Variants in ADAMTSL1 observed in about 807,000 individuals in gnomAD.
ADAMTSL1 encodes ADAMTS-like protein 1.
Under a neutral mutation model 201.8 loss-of-function variants are expected in ADAMTSL1, and 126 were observed. The ratio of observed to expected loss-of-function variants is 0.62; its 90% CI spans 0.54 to 0.72. The LOEUF is 0.72. Among genes scored for constraint, ADAMTSL1 ranks in the 30% least tolerant of loss-of-function variants. The pLI, the probability that ADAMTSL1 is intolerant of heterozygous loss-of-function variation, is 0.00. For synonymous variants in ADAMTSL1, 1,121 were observed against 903.4 expected (o/e 1.24, Z -4.32); for missense variants, 2,679 against 2,277.8 (o/e 1.18, Z -3.59).
chr9:18,681,835 C>G lies in ADAMTSL1; in HGVS notation c.1365C>G (p.Gly455=), dbSNP rs201114526. The G allele has an allele frequency of 6.2e-7, 1 of 1,613,500 alleles. No individual in the cohort carries two copies. Among genetic ancestry groups the G allele is most frequent in the East Asian group, 2.2e-5 (1 of 44,860 alleles). Residue 455 remains glycine (G), a synonymous_variant, in exon 12 of 29, where the codon GGC becomes GGG. Coordinates refer to ENST00000380548, the MANE Select transcript of ADAMTSL1 (RefSeq NM_001040272.6). ...AGTGCACAGTGACATGTGGCCAGGG[C>G]CTCAGATACCGTGTGGTCCTCTGCA... ...WSPCTVTCGQ[G]LRYRVVLCID... is the part of the protein sequence containing the mutation.
At chr9:18,834,429 C>G (rs188914886) in intron 23 of ADAMTSL1, among the ~76,000 whole-genome samples, 36 of 152,078 alleles carry the variant, frequency 2.4e-4, no homozygotes, top group Admixed American at 5.9e-4. Context: ...TTATAAGATA[C>G]AAATACTTCT....
At chr9:17,970,358 C>T (rs1020435962) in intron 1 of ADAMTSL1, among the ~76,000 whole-genome samples, 2 of 152,030 alleles carry the variant, frequency 1.3e-5, no homozygotes, top group Admixed American at 6.6e-5. Flanking sequence ...TCCTCTTTGC[C>T]TTTTTCATGT....
At chr9:18,765,871 A>C (rs28734789) in intron 16 of ADAMTSL1, among the ~76,000 whole-genome samples, 27,937 of 152,090 alleles carry the variant, frequency 0.18, 3,635 homozygotes, top group African/African-American at 0.37. Context: ...GACTGCTTTG[A>C]CTACTCTAGG....
At chr9:18,478,928 T>G (rs1386121460) in intron 1 of ADAMTSL1, among the ~76,000 whole-genome samples, 2 of 152,192 alleles carry the variant, frequency 1.3e-5, no homozygotes, top group Admixed American at 6.5e-5. Flanking sequence ...TCTGTCTACA[T>G]CATAAAAACC....
intron 2 of ADAMTSL1, among the ~76,000 whole-genome samples, chr9:18,348,393 G>C (rs1777217729): frequency 1.3e-5 from 2 of 152,244 alleles, no homozygotes; most frequent in African/African-American, 4.8e-5. Context: ...TTTAAGTTAG[G>C]TGTTTAGGAT....
intron 1 of ADAMTSL1, among the ~76,000 whole-genome samples, chr9:18,061,189 T>TA (rs1370865391): frequency 6.6e-6 from 1 of 152,208 alleles, no homozygotes; most frequent in African/African-American, 2.4e-5. Flanking sequence ...TCTAAACAGT[T>TA]ACATTTAAGT....
At chr9:18,254,716 G>C (rs1831616313) in intron 2 of ADAMTSL1, among the ~76,000 whole-genome samples, 1 of 145,366 alleles carries the variant, frequency 6.9e-6, no homozygotes, top group Admixed American at 7.3e-5. Flanking sequence ...GAAAGTGTGG[G>C]AAGAAGAGAA....
intron 2 of ADAMTSL1, among the ~76,000 whole-genome samples, chr9:18,179,162 A>C (rs1314695216): frequency 6.6e-6 from 1 of 152,144 alleles, no homozygotes; most frequent in Non-Finnish European, 1.5e-5. Context: ...TAGAATAACC[A>C]ATACAGAGAA....
At chr9:18,849,402 A>T (rs1037410195) in intron 23 of ADAMTSL1, among the ~76,000 whole-genome samples, 2 of 152,218 alleles carry the variant, frequency 1.3e-5, no homozygotes, top group South Asian at 4.1e-4. Flanking sequence ...AAACAATGAC[A>T]GTTAGTGAAT....
At chr9:18,287,847 C>T (rs1833080356) in intron 2 of ADAMTSL1, among the ~76,000 whole-genome samples, 1 of 152,118 alleles carries the variant, frequency 6.6e-6, no homozygotes, top group Non-Finnish European at 1.5e-5. Flanking sequence ...AATTATATTA[C>T]TGTCAAACTA....
intron 5 of ADAMTSL1, among the ~76,000 whole-genome samples, chr9:18,627,089 TC>T (rs1163877305): frequency 1.3e-5 from 2 of 151,978 alleles, no homozygotes; most frequent in African/African-American, 4.8e-5. Context: ...CAGGTGATCC[TC>T]CCACTTCAGC....
At chr9:18,559,445 C>A (rs919316503) in intron 3 of ADAMTSL1, among the ~76,000 whole-genome samples, 1 of 152,094 alleles carries the variant, frequency 6.6e-6, no homozygotes, top group African/African-American at 2.4e-5. Flanking sequence ...TAATGTGATA[C>A]CTCCAGCTTT....
At chr9:18,627,999 C>G (rs1339538499) in intron 5 of ADAMTSL1, among the ~76,000 whole-genome samples, 1 of 152,094 alleles carries the variant, frequency 6.6e-6, no homozygotes, top group African/African-American at 2.4e-5. Context: ...AGGTACAAGT[C>G]CTTTGTGGGA....
At chr9:18,452,030 C>T (rs1291446613) in intron 2 of ADAMTSL1, among the ~76,000 whole-genome samples, 1 of 152,232 alleles carries the variant, frequency 6.6e-6, no homozygotes, top group African/African-American at 2.4e-5. Flanking sequence ...CCTCCTTCCT[C>T]AGCCTCCCGA....
chr9:18,803,404 A>G (rs1216092371), intron 20 of ADAMTSL1, among the ~76,000 whole-genome samples: 2 of 152,200 alleles, frequency 1.3e-5, no homozygotes, highest in East Asian at 3.8e-4. Context: ...TCTGATATTA[A>G]GAGCTCACAT....
At chr9:18,233,462 GA>G (rs1462188503) in intron 2 of ADAMTSL1, among the ~76,000 whole-genome samples, 2 of 152,056 alleles carry the variant, frequency 1.3e-5, no homozygotes, top group Non-Finnish European at 2.9e-5. Context: ...CATTTCACAA[GA>G]ATCAAAAGAT....
chr9:17,991,765 C>A (rs1819160379), intron 1 of ADAMTSL1, among the ~76,000 whole-genome samples: 1 of 152,132 alleles, frequency 6.6e-6, no homozygotes, highest in Non-Finnish European at 1.5e-5. Flanking sequence ...TTAGACTGTA[C>A]ACGTGCATCC....
intron 23 of ADAMTSL1, among the ~76,000 whole-genome samples, chr9:18,871,203 G>A (rs983741588): frequency 6.6e-6 from 1 of 152,122 alleles, no homozygotes; most frequent in Non-Finnish European, 1.5e-5. Flanking sequence ...CAGAGGTGGG[G>A]AGCCTATTAT....
At chr9:18,876,652 T>A (rs1045913584) in intron 23 of ADAMTSL1, among the ~76,000 whole-genome samples, 1 of 152,166 alleles carries the variant, frequency 6.6e-6, no homozygotes, top group African/African-American at 2.4e-5. Context: ...CCTTTATGGG[T>A]TACCTGATAC....
Sources: allele counts gnomAD v4.1 joint callset (sites outside exome capture counted in the v4.1 genomes callset), GRCh38; gene constraint gnomAD v4.1.1; transcripts MANE v1.5; gene names NCBI Gene and HGNC (gene_info 2026-07-23, HGNC 2026-07-21).